PEX5L: variants seen among roughly 807,000 people sequenced by gnomAD.
PEX5L encodes the protein PEX5-related protein.
PEX5L carries 30 observed loss-of-function variants against 84.0 expected under a neutral mutation model. That is an observed-to-expected ratio of 0.36 (90% CI 0.27 to 0.48). The LOEUF (loss-of-function observed/expected upper bound fraction) is 0.48, where lower values mean the gene tolerates loss of function less well. Among genes scored for constraint, PEX5L ranks in the 20% least tolerant of loss-of-function variants. The probability of loss-of-function intolerance (pLI) is 0.99; values close to 1 mark genes in which losing one functional copy is unlikely to be tolerated. For synonymous variants in PEX5L, 270 were observed against 283.1 expected (o/e 0.95, Z 0.46); for missense variants, 533 against 754.6 (o/e 0.71, Z 3.44).
rs1789614511 is a variant in PEX5L, at chr3:180,012,901, TG to T, written c.21+23677del. ...AAAAAAATACGTCTCTGAATCACAC[TG>T]AAAAAAATCAAGTATTCATAACATG... On this transcript the variant is annotated intron_variant, in intron 1 of 14. Transcript: ENST00000467460. Among the ~76,000 whole-genome samples, 4 of 152,236 alleles carry T rather than the reference TG, an allele frequency of 2.6e-5. No homozygotes were observed. The South Asian group carries it at 8.3e-4, about 32-fold the overall frequency.
At position 179,854,947 on chromosome 3, in the gene PEX5L, G is replaced by A. The variant is rs568228959; in HGVS notation, c.822+4115C>T. ...GCCTAGGTGATGCAATGGCAATTGA[G>A]TGATCAGGTTCAGCTTTTCTGAGGT... On this transcript the variant is annotated intron_variant, in intron 8 of 14. Coordinates refer to ENST00000467460, the MANE Select transcript of PEX5L (RefSeq NM_016559.3). Among the ~76,000 whole-genome samples, 3 of 152,348 alleles carry A rather than the reference G, an allele frequency of 2.0e-5. No homozygotes were observed. In the South Asian group the frequency reaches 6.2e-4, roughly 32 times the overall value.
chr3:179,837,010 A>G (rs1735200231), intron 8 of PEX5L, among the ~76,000 whole-genome samples: 1 of 152,222 alleles, frequency 6.6e-6, no homozygotes, highest in African/African-American at 2.4e-5. Flanking sequence ...GTGACTATAG[A>G]GAGAAAAATT....
At chr3:179,879,394 G>C (rs984298552) in intron 5 of PEX5L, among the ~76,000 whole-genome samples, 1 of 152,126 alleles carries the variant, frequency 6.6e-6, no homozygotes, top group Non-Finnish European at 1.5e-5. Flanking sequence ...TTGAAACTTG[G>C]TTCCTCAGAT....
At chr3:179,966,258 T>G (rs967273578) in intron 2 of PEX5L, among the ~76,000 whole-genome samples, 4 of 152,150 alleles carry the variant, frequency 2.6e-5, no homozygotes, top group Non-Finnish European at 5.9e-5. Flanking sequence ...TGGTCTCCTT[T>G]CTGCAACTCT....
intron 8 of PEX5L, among the ~76,000 whole-genome samples, chr3:179,858,406 T>C (rs1744814641): frequency 4.6e-5 from 7 of 152,170 alleles, no homozygotes; most frequent in Admixed American, 4.6e-4. Context: ...AGGTTTTTTT[T>C]CTTCCCTTTC....
chr3:179,815,603 T>G (rs1425384411), intron 10 of PEX5L, among the ~76,000 whole-genome samples: 1 of 152,188 alleles, frequency 6.6e-6, no homozygotes, highest in Non-Finnish European at 1.5e-5. Context: ...AAACTACTGA[T>G]AAGCCTTCAG....
chr3:179,887,642 G>C, intron 4 of PEX5L, 31 bp downstream of exon 4: 1 of 1,331,096 alleles, frequency 7.5e-7, no homozygotes. Flanking sequence ...ATTAACTCTA[G>C]TTGAGGAACA....
intron 2 of PEX5L, among the ~76,000 whole-genome samples, chr3:179,953,505 T>A (rs1229231924): frequency 6.6e-6 from 1 of 152,192 alleles, no homozygotes; most frequent in Admixed American, 6.6e-5. Flanking sequence ...ACCATTCAAA[T>A]CTATTGCATG....
chr3:179,898,565 T>C (rs1411180997), intron 2 of PEX5L, among the ~76,000 whole-genome samples: 2 of 152,144 alleles, frequency 1.3e-5, no homozygotes, highest in South Asian at 2.1e-4. Context: ...AAAAACACTA[T>C]GGGTTGCCTG....
At chr3:180,016,308 C>CAGTGG (rs1789942115) in intron 1 of PEX5L, among the ~76,000 whole-genome samples, 1 of 152,028 alleles carries the variant, frequency 6.6e-6, no homozygotes, top group South Asian at 2.1e-4. Flanking sequence ...AAGTTAGCCT[C>CAGTGG]CTATTAATTG....
At chr3:179,839,641 T>C (rs538970733) in intron 8 of PEX5L, among the ~76,000 whole-genome samples, 2 of 152,332 alleles carry the variant, frequency 1.3e-5, no homozygotes, top group East Asian at 1.9e-4. Context: ...ATAACTTCTG[T>C]AGTTTTTCTT....
chr3:179,824,462 T>A (rs1201522956), intron 8 of PEX5L, among the ~76,000 whole-genome samples: 1 of 149,178 alleles, frequency 6.7e-6, no homozygotes, highest in Non-Finnish European at 1.5e-5. Context: ...TCCCAAGACT[T>A]TGGGAGACTG....
chr3:180,013,216 C>G (rs1017371990), intron 1 of PEX5L, among the ~76,000 whole-genome samples: 3 of 152,128 alleles, frequency 2.0e-5, no homozygotes, highest in African/African-American at 7.2e-5. Flanking sequence ...CAATGTATTA[C>G]CCATGACACT....
intron 2 of PEX5L, among the ~76,000 whole-genome samples, chr3:179,919,651 A>C (rs1644464507): frequency 6.6e-6 from 1 of 152,152 alleles, no homozygotes; most frequent in South Asian, 2.1e-4. Flanking sequence ...GCACTTCCAC[A>C]CTCAACTCTA....
chr3:179,858,326 G>A (rs930184499), intron 8 of PEX5L, among the ~76,000 whole-genome samples: 7 of 151,948 alleles, frequency 4.6e-5, no homozygotes, highest in African/African-American at 1.7e-4. Context: ...CATCTGTGAT[G>A]CACTCTTTTT....
rs560663107 is a variant in PEX5L at position 180,033,920 on chromosome 3, C to T, written c.21+2659G>A. 1.6e-4 allele frequency among the ~76,000 whole-genome samples: 24 copies of T among 152,272 alleles called. 1 individual carries two copies. The South Asian group carries it at 5.0e-3, about 32-fold the overall frequency. On this transcript the variant is annotated intron_variant, in intron 1 of 14. Transcript: ENST00000467460. Reference sequence around the variant, plus strand: ...ATGCTCTATCTGTAATAGATGCCAACTTTTATTTTCTAATGAACTAGCAGA... The same window carrying T: ...ATGCTCTATCTGTAATAGATGCCAATTTTTATTTTCTAATGAACTAGCAGA...
intron 7 of PEX5L, among the ~76,000 whole-genome samples, chr3:179,865,570 A>C (rs1265531883): frequency 6.6e-6 from 1 of 152,106 alleles, no homozygotes; most frequent in Non-Finnish European, 1.5e-5. Context: ...ACATATATAC[A>C]AAAGTAATGC....
intron 10 of PEX5L, among the ~76,000 whole-genome samples, chr3:179,813,983 T>A (rs1439697958): frequency 6.6e-6 from 1 of 151,586 alleles, no homozygotes; most frequent in Non-Finnish European, 1.5e-5. Context: ...GCCATTTTTT[T>A]TTTTTTTTTG....
intron 4 of PEX5L, 39 bp downstream of exon 4, chr3:179,887,634 T>A (rs1756316217): frequency 1.6e-6 from 2 of 1,261,854 alleles, no homozygotes; most frequent in East Asian, 2.3e-5. Flanking sequence ...TAGTTAAAAT[T>A]AACTCTAGTT....
Sources: gnomAD v4.1 joint callset for allele counts (sites outside exome capture counted in the v4.1 genomes callset) on GRCh38, gnomAD v4.1.1 for gene constraint, MANE v1.5 for transcripts, NCBI Gene and HGNC (gene_info 2026-07-23, HGNC 2026-07-21) for gene names.